The following TP53I13 variants were observed in gnomAD, a reference collection of about 807,000 sequenced individuals.
The protein encoded by TP53I13 is tumor protein p53-inducible protein 13.
TP53I13 carries 27 observed loss-of-function variants against 39.1 expected under a neutral mutation model. The observed-to-expected ratio is 0.69, with a 90% confidence interval of 0.51 to 0.95. The LOEUF (loss-of-function observed/expected upper bound fraction) is 0.95, where lower values mean the gene tolerates loss of function less well. Among genes scored for constraint, TP53I13 ranks in the 40% least tolerant of loss-of-function variants. The probability of loss-of-function intolerance (pLI) is 0.00; values close to 1 mark genes in which losing one functional copy is unlikely to be tolerated. For missense variants in TP53I13, 544 were observed against 520.4 expected, an observed-to-expected ratio of 1.05 and a Z score of -0.44; for synonymous variants, 230 against 224.6, an observed-to-expected ratio of 1.02 and a Z score of -0.22.
At chr17:29,578,449 A>G in the TP53I13 span, 1 of 1,347,384 alleles carries the variant, frequency 7.4e-7, no homozygotes, top group South Asian at 1.2e-5. Context: ...GCATGTTGTG[A>G]GCCTTGGGGA....
the TP53I13 span, chr17:29,581,303 C>T: frequency 2.0e-5 from 32 of 1,564,568 alleles, no homozygotes; most frequent in Non-Finnish European, 2.8e-5. The surrounding 1 kb of genome is among the most constrained non-coding windows in gnomAD (Gnocchi z 4.8). Flanking sequence ...TGGCATCCAA[C>T]AGCCTCTGGA....
downstream of TP53I13, chr17:29,577,277 CA>C: frequency 6.3e-7 from 1 of 1,577,808 alleles, no homozygotes; most frequent in Non-Finnish European, 8.7e-7. Flanking sequence ...AGGCTGGCTT[CA>C]GGGGACCCCT....
chr17:29,566,866 C>T (rs1397684107), upstream of TP53I13: 13 of 1,505,494 alleles, frequency 8.6e-6, no homozygotes, highest in African/African-American at 1.5e-5. Context: ...GGTCCTCTCT[C>T]CGACGGCGCG....
At chr17:29,574,707 G>A (rs2033122506), downstream of TP53I13, 1 of 1,611,802 alleles carries the variant, frequency 6.2e-7, no homozygotes, top group South Asian at 1.1e-5. Context: ...AGAGGTCACT[G>A]CTTCTTCTCT....
In TP53I13 at chr17:29,572,208, C is replaced by T. The variant is rs1310977236; in HGVS notation, c.580C>T (p.Pro194Ser). The change falls in exon 6 of 7, where the codon CCC (proline) becomes TCC (serine). Residue 194 changes from proline (P) to serine (S), a missense_variant. Transcript: ENST00000301057. ...PPGTEVTSQG[P>S]RQPSSSGAKR... is the part of the protein sequence containing the mutation. The stretch of plus-strand genomic sequence containing the variant: ...TGGCACAGAGGTGACATCTCAAGGG[C>T]CCAGGCAGCCCTCTTCTAGTGGTGC... 1.9e-6 allele frequency: 3 copies of T among 1,611,566 alleles called. No homozygotes were observed. The African/African-American group carries it at 4.0e-5, about 22-fold the overall frequency.
chr17:29,568,633 C>A (rs1399853740), upstream of TP53I13: 10 of 534,564 alleles, frequency 1.9e-5, no homozygotes, highest in Non-Finnish European at 2.1e-5. This position sits in a 1 kb window ranked among gnomAD's most constrained non-coding sequence, Gnocchi z 4.5. Flanking sequence ...CGCGCGCGAG[C>A]CCAGGGCCAA....
chr17:29,571,854 T>C lies in TP53I13; in HGVS notation c.313-3T>C, dbSNP rs2032942434. On this transcript the variant is annotated splice_region_variant and splice_polypyrimidine_tract_variant and intron_variant, in intron 4 of 6. Coordinates refer to ENST00000301057, the MANE Select transcript of TP53I13 (RefSeq NM_138349.4). Reference sequence around the variant, plus strand: ...TAGCTCTAACAGTTACCTCCTCTCGTAGCCCCTGGTGCTGACTGCATGGGG... The same window carrying C: ...TAGCTCTAACAGTTACCTCCTCTCGCAGCCCCTGGTGCTGACTGCATGGGG... 5 of 1,613,272 alleles carry C rather than the reference T, an allele frequency of 3.1e-6. No individual in the cohort carries two copies. The highest frequency in any genetic ancestry group is 1.1e-5 in the South Asian group (1 of 91,090).
At position 29,569,377 on chromosome 17, in the gene TP53I13, C is replaced by T; in HGVS notation, c.183+18C>T. ...CAGGGCAGGTGAGTACAAGCAGGGGCCCACCACCCTTGGTGTCCACGCCTG... is the reference window on the plus strand; with the variant it reads ...CAGGGCAGGTGAGTACAAGCAGGGGTCCACCACCCTTGGTGTCCACGCCTG... On this transcript the variant is annotated intron_variant, in intron 3 of 6. Coordinates refer to ENST00000301057, the MANE Select transcript of TP53I13 (RefSeq NM_138349.4). The T allele has an allele frequency of 6.2e-7, 1 of 1,612,832 alleles. No homozygotes were observed. Among genetic ancestry groups the T allele is most frequent in the Non-Finnish European group, 8.5e-7 (1 of 1,179,430 alleles).
At chr17:29,577,210 A>G, downstream of TP53I13, 1 of 1,613,866 alleles carries the variant, frequency 6.2e-7, no homozygotes, top group Non-Finnish European at 8.5e-7. Context: ...CAAGGTGGCA[A>G]ACTCTCGGGC....
chr17:29,579,619 C>T, the TP53I13 span, among the ~76,000 whole-genome samples: 1 of 151,916 alleles, frequency 6.6e-6, no homozygotes, highest in Non-Finnish European at 1.5e-5. Context: ...TGCCTGTAGT[C>T]CCAGCTACTC....
rs758147798 is a variant in TP53I13, at chr17:29,572,929, C to T, written c.*5C>T. 55 of 1,468,536 alleles carry T rather than the reference C, an allele frequency of 3.7e-5. No individual in the cohort carries two copies. Among genetic ancestry groups the T allele is most frequent in the Middle Eastern group, 4.8e-4 (2 of 4,138 alleles). 91.0% of individuals were successfully genotyped at this position (1,468,536 alleles called of 1,614,324 possible). A position where few individuals can be genotyped will look rare whatever the true frequency, so the allele number is the denominator to read the frequency against. ...GAAGGCGAGAGCTCGGAGTGACGGC[C>T]TGGGACCTGCCACTGTGGCGTGCGG... On this transcript the variant is annotated 3_prime_UTR_variant, in exon 7 of 7. Coordinates refer to ENST00000301057, the MANE Select transcript of TP53I13 (RefSeq NM_138349.4).
At chr17:29,578,992 A>T in the TP53I13 span, 2 of 1,613,916 alleles carry the variant, frequency 1.2e-6, no homozygotes, top group Non-Finnish European at 1.7e-6. Flanking sequence ...CCGAGATCTA[A>T]GTCCAGAGGA....
At chr17:29,577,683 G>A, downstream of TP53I13, 1 of 1,613,042 alleles carries the variant, frequency 6.2e-7, no homozygotes. Flanking sequence ...TTAACAGGCA[G>A]GAAGGGCACG....
downstream of TP53I13, chr17:29,577,137 T>G: frequency 6.2e-7 from 1 of 1,613,080 alleles, no homozygotes. Flanking sequence ...CCCTCCCACC[T>G]GTGGGGCTGC....
At chr17:29,577,849 C>T, downstream of TP53I13, 2 of 719,954 alleles carry the variant, frequency 2.8e-6, no homozygotes, top group Non-Finnish European at 2.5e-6. Flanking sequence ...GCCTACTGAG[C>T]ACTGGTGTTC....
At chr17:29,579,135 C>A in the TP53I13 span, 3 of 688,976 alleles carry the variant, frequency 4.4e-6, no homozygotes, top group Non-Finnish European at 7.9e-6. Context: ...ATTCATCTCA[C>A]CGCGTCCCCC....
At chr17:29,567,816 G>C (rs1041297836), upstream of TP53I13, among the ~76,000 whole-genome samples, 2 of 152,146 alleles carry the variant, frequency 1.3e-5, no homozygotes, top group African/African-American at 2.4e-5. This position sits in a 1 kb window ranked among gnomAD's most constrained non-coding sequence, Gnocchi z 6.6. Context: ...CTCGTAAACC[G>C]GGGTGCATGG....
rs2032966455 is a variant in TP53I13 at position 29,572,199 on chromosome 17, T to C, written c.571T>C (p.Ser191Pro). 1.9e-6 allele frequency: 3 copies of C among 1,611,386 alleles called. No homozygotes were observed. The highest frequency in any genetic ancestry group is 2.2e-5 in the East Asian group (1 of 44,870). ...SWRPPGTEVT[S>P]QGPRQPSSSG... ...GCGGCCCCCTGGCACAGAGGTGACA[T>C]CTCAAGGGCCCAGGCAGCCCTCTTC... Residue 191 changes from serine (S) to proline (P), a missense_variant, in exon 6 of 7, where the codon TCT becomes CCT. Ser to Pro is a moderately conservative substitution (Grantham distance 74, BLOSUM62 -1). Transcript: ENST00000301057.
At chr17:29,566,713 C>A, upstream of TP53I13, 1 of 1,580,016 alleles carries the variant, frequency 6.3e-7, no homozygotes, top group Non-Finnish European at 8.5e-7. Context: ...CCGCAGGGCG[C>A]GCAGCAGGCA....
Sources: allele counts gnomAD v4.1 joint callset (sites outside exome capture counted in the v4.1 genomes callset), GRCh38; gene constraint gnomAD v4.1.1; non-coding constraint Gnocchi (gnomAD v3.1); transcripts MANE v1.5; gene names NCBI Gene and HGNC (gene_info 2026-07-23, HGNC 2026-07-21).